DRC8: variants seen among roughly 807,000 people sequenced by gnomAD.
DRC8 encodes the protein dynein regulatory complex subunit 8, also known as dynein regulatory complex protein 8.
the DRC8 span, among the ~76,000 whole-genome samples, chr1:245,048,525 A>T: frequency 2.5e-4 from 38 of 151,052 alleles, no homozygotes; most frequent in South Asian, 1.7e-3. Flanking sequence ...TTTTTTTTTT[A>T]AATAAAATCT....
At chr1:244,990,084 C>T in the DRC8 span, among the ~76,000 whole-genome samples, 1 of 152,134 alleles carries the variant, frequency 6.6e-6, no homozygotes, top group African/African-American at 2.4e-5. Flanking sequence ...TCGGGATGAC[C>T]CGGGATCTCC....
At chr1:245,031,077 C>T in the DRC8 span, among the ~76,000 whole-genome samples, 21 of 152,172 alleles carry the variant, frequency 1.4e-4, no homozygotes, top group Non-Finnish European at 2.9e-4. Context: ...CCTTACTGCT[C>T]ATCTGATATA....
chr1:245,079,889 C>T, the DRC8 span, among the ~76,000 whole-genome samples: 1 of 152,272 alleles, frequency 6.6e-6, no homozygotes, highest in African/African-American at 2.4e-5. Context: ...TGCTCAAGTG[C>T]GTCAGAGCCA....
At chr1:245,078,151 C>G in the DRC8 span, among the ~76,000 whole-genome samples, 14 of 152,094 alleles carry the variant, frequency 9.2e-5, no homozygotes, top group African/African-American at 3.4e-4. Context: ...TGGGATGTCA[C>G]CTCACCCCTA....
At chr1:245,026,541 G>A in the DRC8 span, among the ~76,000 whole-genome samples, 1 of 152,230 alleles carries the variant, frequency 6.6e-6, no homozygotes, top group Non-Finnish European at 1.5e-5. Flanking sequence ...GCTACTCAGA[G>A]AGCTTTATAA....
the DRC8 span, among the ~76,000 whole-genome samples, chr1:245,043,062 TA>T: frequency 6.6e-6 from 1 of 152,350 alleles, no homozygotes; most frequent in South Asian, 2.1e-4. Flanking sequence ...AAAACATTTT[TA>T]ATACTTGTAA....
chr1:245,108,329 T>C, the DRC8 span, among the ~76,000 whole-genome samples: 5 of 152,244 alleles, frequency 3.3e-5, no homozygotes, highest in Non-Finnish European at 5.9e-5. Flanking sequence ...TGTCCAGTTC[T>C]TCACGTTTTT....
chr1:245,005,054 C>G, the DRC8 span, among the ~76,000 whole-genome samples: 3 of 152,106 alleles, frequency 2.0e-5, no homozygotes, highest in South Asian at 6.3e-4. Flanking sequence ...TTTTGCTCCT[C>G]TTCGTTCTAT....
chr1:245,015,320 C>T, the DRC8 span, among the ~76,000 whole-genome samples: 1 of 152,194 alleles, frequency 6.6e-6, no homozygotes, highest in African/African-American at 2.4e-5. Flanking sequence ...TTCTTTCACT[C>T]AGCCAAACAC....
chr1:245,118,173 A>G, the DRC8 span, among the ~76,000 whole-genome samples: 7 of 152,170 alleles, frequency 4.6e-5, no homozygotes, highest in Non-Finnish European at 8.8e-5. Flanking sequence ...AAAATATTTA[A>G]GATCTGCCAT....
At chr1:244,995,322 C>A in the DRC8 span, among the ~76,000 whole-genome samples, 6 of 151,670 alleles carry the variant, frequency 4.0e-5, no homozygotes, top group African/African-American at 1.5e-4. Flanking sequence ...GATTGTGCCA[C>A]TGCACTCCAG....
the DRC8 span, among the ~76,000 whole-genome samples, chr1:245,102,010 G>C: frequency 6.6e-6 from 1 of 152,170 alleles, no homozygotes; most frequent in Non-Finnish European, 1.5e-5. Flanking sequence ...CTAATGATGT[G>C]TTATTAGGCA....
the DRC8 span, among the ~76,000 whole-genome samples, chr1:245,064,003 G>A: frequency 2.0e-5 from 3 of 152,124 alleles, no homozygotes; most frequent in African/African-American, 7.2e-5. Flanking sequence ...GATTACAGGC[G>A]TGACCAACCA....
At chr1:245,054,967 C>T in the DRC8 span, among the ~76,000 whole-genome samples, 1 of 152,194 alleles carries the variant, frequency 6.6e-6, no homozygotes, top group Non-Finnish European at 1.5e-5. Flanking sequence ...CCTGCCCTCA[C>T]CTTTTCCTGG....
the DRC8 span, chr1:245,087,457 T>G: frequency 6.9e-6 from 10 of 1,446,242 alleles, no homozygotes; most frequent in Non-Finnish European, 9.0e-6. Flanking sequence ...TATGTGATAT[T>G]TAATACCTTG....
the DRC8 span, among the ~76,000 whole-genome samples, chr1:245,114,757 C>T: frequency 6.6e-6 from 1 of 152,214 alleles, no homozygotes; most frequent in Non-Finnish European, 1.5e-5. Context: ...GAGACAGAGT[C>T]TTGCTCTGTT....
At chr1:244,980,040 T>TAAAAAAAAAAAAAAA in the DRC8 span, among the ~76,000 whole-genome samples, 118 of 34,704 alleles carry the variant, frequency 3.4e-3, 14 homozygotes, top group East Asian at 0.02. Flanking sequence ...CCGTCTCTAC[T>TAAAAAAAAAAAAAAA]AAAAAAAAAA....
At chr1:245,081,487 G>A in the DRC8 span, among the ~76,000 whole-genome samples, 34 of 151,228 alleles carry the variant, frequency 2.2e-4, no homozygotes, top group Non-Finnish European at 4.4e-4. Context: ...TTTTTTTATT[G>A]AGATGGAGTC....
the DRC8 span, chr1:245,017,441 A>G: frequency 1.8e-6 from 2 of 1,091,026 alleles, no homozygotes; most frequent in Non-Finnish European, 2.5e-6. Context: ...TGCTCTTTTA[A>G]GTATTTATTT....
Sources: allele counts gnomAD v4.1 joint callset (sites outside exome capture counted in the v4.1 genomes callset), GRCh38; gene constraint gnomAD v4.1.1; transcripts MANE v1.5; gene names NCBI Gene and HGNC (gene_info 2026-07-23, HGNC 2026-07-21).